GPC5: variants seen among roughly 807,000 people sequenced by gnomAD.
GPC5 encodes the protein glypican-5.
Under a neutral mutation model 53.9 loss-of-function variants are expected in GPC5, and 47 were observed. The observed-to-expected ratio is 0.87, with a 90% CI of 0.69 to 1.11. The LOEUF (loss-of-function observed/expected upper bound fraction) is 1.11. Among genes scored for constraint, GPC5 ranks in the 50% most tolerant of loss-of-function variants. GPC5 has a pLI of 0.00. For synonymous variants in GPC5, 286 were observed against 263.3 expected, an observed-to-expected ratio of 1.09 and a Z score of -0.84; for missense variants, 748 against 713.1, an observed-to-expected ratio of 1.05 and a Z score of -0.56.
At chr13:91,639,350 A>G (rs1004251667) in intron 2 of GPC5, among the ~76,000 whole-genome samples, 6 of 152,236 alleles carry the variant, frequency 3.9e-5, no homozygotes, top group Non-Finnish European at 8.8e-5. Context: ...GCCCATGAAG[A>G]TTAATTTATG....
At chr13:91,784,646 C>T (rs2037849772) in intron 5 of GPC5, among the ~76,000 whole-genome samples, 3 of 151,050 alleles carry the variant, frequency 2.0e-5, no homozygotes, top group Non-Finnish European at 4.4e-5. Flanking sequence ...ATCGCTTGAA[C>T]CTGGGAAGTG....
intron 5 of GPC5, among the ~76,000 whole-genome samples, chr13:91,886,081 C>T (rs2039318711): frequency 6.6e-6 from 1 of 151,926 alleles, no homozygotes; most frequent in African/African-American, 2.4e-5. Context: ...TAAAGAAATA[C>T]CTGGGACTGG....
At chr13:92,198,686 T>C (rs1362810279) in intron 7 of GPC5, among the ~76,000 whole-genome samples, 1 of 152,218 alleles carries the variant, frequency 6.6e-6, no homozygotes, top group Non-Finnish European at 1.5e-5. Context: ...GATTACTTAT[T>C]GACCTGATAC....
In GPC5 at chr13:91,899,489, T is replaced by A. The variant is rs189915018; in HGVS notation, c.1281-8448T>A. Among the ~76,000 whole-genome samples the A allele has an allele frequency of 1.5e-3, 231 of 152,298 alleles. 1 individual carries two copies. The Middle Eastern group carries it at 0.051, about 34-fold the overall frequency. Reference sequence around the variant, plus strand: ...ATTTTTGTTGAAGTTCAAGGGAATATCTGTTTTCATTCAGGTAGTTTCCAG... The same window carrying A: ...ATTTTTGTTGAAGTTCAAGGGAATAACTGTTTTCATTCAGGTAGTTTCCAG... On this transcript the variant is annotated intron_variant, in intron 5 of 7. Coordinates refer to ENST00000377067, the MANE Select transcript of GPC5 (RefSeq NM_004466.6).
chr13:92,068,754 A>G (rs1345755805), intron 6 of GPC5, among the ~76,000 whole-genome samples: 1 of 151,018 alleles, frequency 6.6e-6, no homozygotes, highest in Non-Finnish European at 1.5e-5. Flanking sequence ...TGATATTAAA[A>G]TAATATTTCA....
At chr13:91,536,328 T>C (rs535263286) in intron 2 of GPC5, among the ~76,000 whole-genome samples, 11 of 152,316 alleles carry the variant, frequency 7.2e-5, no homozygotes, top group African/African-American at 2.4e-4. Context: ...GTGAGCTTTG[T>C]GAACTTCCCC....
chr13:92,261,197 G>C (rs1186250081), intron 7 of GPC5, among the ~76,000 whole-genome samples: 1 of 152,074 alleles, frequency 6.6e-6, no homozygotes, highest in Admixed American at 6.6e-5. Flanking sequence ...AGTGACAACT[G>C]AACACTAGTT....
At chr13:91,787,373 T>G (rs2037896282) in intron 5 of GPC5, among the ~76,000 whole-genome samples, 1 of 152,110 alleles carries the variant, frequency 6.6e-6, no homozygotes. Context: ...TTGCTTAGAG[T>G]TTTTATTATG....
At chr13:91,834,715 C>G (rs561044378) in intron 5 of GPC5, among the ~76,000 whole-genome samples, 57 of 152,230 alleles carry the variant, frequency 3.7e-4, no homozygotes, top group African/African-American at 1.3e-3. Flanking sequence ...GAAACTGGAT[C>G]CCTTCCTTAC....
At chr13:91,870,760 G>T (rs7981515) in intron 5 of GPC5, among the ~76,000 whole-genome samples, 19,792 of 152,144 alleles carry the variant, frequency 0.13, 1,392 homozygotes, top group African/African-American at 0.18. Flanking sequence ...CAGTATATTT[G>T]AGTTATTTTT....
chr13:92,363,231 C>T (rs2043582216), intron 7 of GPC5, among the ~76,000 whole-genome samples: 1 of 151,606 alleles, frequency 6.6e-6, no homozygotes, highest in Non-Finnish European at 1.5e-5. Flanking sequence ...GTTGTTTCCA[C>T]CAGCTAGAGT....
At chr13:91,471,898 C>A (rs1265345196) in intron 2 of GPC5, among the ~76,000 whole-genome samples, 1 of 152,134 alleles carries the variant, frequency 6.6e-6, no homozygotes, top group Non-Finnish European at 1.5e-5. Context: ...TCCCAAGTAA[C>A]CTAACAGATT....
chr13:92,862,398 AAATT>A (rs1316048106), intron 7 of GPC5, among the ~76,000 whole-genome samples: 6 of 152,156 alleles, frequency 3.9e-5, no homozygotes, highest in African/African-American at 1.4e-4. Flanking sequence ...TTCCAGAAAT[AAATT>A]ATTTTGACTT....
At chr13:92,763,989 G>GC (rs1356724845) in intron 7 of GPC5, among the ~76,000 whole-genome samples, 1 of 152,108 alleles carries the variant, frequency 6.6e-6, no homozygotes, top group Non-Finnish European at 1.5e-5. Context: ...CAGTGGACTA[G>GC]CCCCCTAGAG....
chr13:92,516,366 T>C (rs1880780655), intron 7 of GPC5, among the ~76,000 whole-genome samples: 1 of 152,148 alleles, frequency 6.6e-6, no homozygotes, highest in South Asian at 2.1e-4. Flanking sequence ...TATTTATACC[T>C]GTGAAGTTAA....
At chr13:92,060,430 T>A (rs1463190404) in intron 6 of GPC5, among the ~76,000 whole-genome samples, 1 of 152,074 alleles carries the variant, frequency 6.6e-6, no homozygotes, top group Non-Finnish European at 1.5e-5. Flanking sequence ...AAAATTCGAT[T>A]TCCCATTATT....
chr13:91,466,626 A>G (rs879442954), intron 2 of GPC5, among the ~76,000 whole-genome samples: 3 of 152,092 alleles, frequency 2.0e-5, no homozygotes, highest in African/African-American at 4.8e-5. Flanking sequence ...AGAAAAGACA[A>G]GGAAGTGAGT....
chr13:92,853,826 G>A (rs768342694), intron 7 of GPC5, among the ~76,000 whole-genome samples: 4 of 151,986 alleles, frequency 2.6e-5, no homozygotes, highest in East Asian at 3.9e-4. Context: ...AGGGCCCAGC[G>A]AGATGCCCAG....
intron 7 of GPC5, among the ~76,000 whole-genome samples, chr13:92,159,590 G>GTT (rs2041971034): frequency 4.9e-5 from 3 of 61,576 alleles, no homozygotes; most frequent in Admixed American, 1.8e-4. Flanking sequence ...TAATACCAAT[G>GTT]TTCTTTTTTT....
Sources: gnomAD v4.1 joint callset for allele counts (sites outside exome capture counted in the v4.1 genomes callset) on GRCh38, gnomAD v4.1.1 for gene constraint, MANE v1.5 for transcripts, NCBI Gene and HGNC (gene_info 2026-07-23, HGNC 2026-07-21) for gene names.